STK10: variants seen among roughly 807,000 people sequenced by gnomAD.
STK10 encodes serine/threonine kinase 10.
A neutral mutation model predicts 113.8 loss-of-function variants in STK10; 78 were observed. That is an observed-to-expected ratio of 0.69 (90% CI 0.57 to 0.83). The LOEUF (loss-of-function observed/expected upper bound fraction) is 0.83, where lower values mean the gene tolerates loss of function less well. Among genes scored for constraint, STK10 ranks in the 40% least tolerant of loss-of-function variants. The probability of loss-of-function intolerance (pLI) is 0.00; values close to 1 mark genes in which losing one functional copy is unlikely to be tolerated. For synonymous variants in STK10, 465 were observed against 494.7 expected, an observed-to-expected ratio of 0.94 and a Z score of 0.80; for missense variants, 1,109 against 1,280.1, an observed-to-expected ratio of 0.87 and a Z score of 2.04.
At chr5:172,063,066 A>G (rs1004201332) in intron 13 of STK10, among the ~76,000 whole-genome samples, 3 of 152,154 alleles carry the variant, frequency 2.0e-5, no homozygotes, top group African/African-American at 7.2e-5. Flanking sequence ...CCTGGCCAAC[A>G]TGGTGAAACC....
chr5:172,048,600 C>T (rs953235175), intron 18 of STK10, among the ~76,000 whole-genome samples: 3 of 151,918 alleles, frequency 2.0e-5, no homozygotes, highest in African/African-American at 2.4e-5. Context: ...CAAATTCCCC[C>T]AACCTCTGAT....
chr5:172,185,371 C>T (rs1194746232), intron 1 of STK10, among the ~76,000 whole-genome samples: 3 of 152,160 alleles, frequency 2.0e-5, no homozygotes, highest in African/African-American at 4.8e-5. Context: ...CTGGTTCAAA[C>T]GTTTCTCTTG....
chr5:172,105,618 A>C (rs756239016), intron 7 of STK10, 38 bp downstream of exon 7: 3 of 1,609,294 alleles, frequency 1.9e-6, no homozygotes, highest in Non-Finnish European at 2.6e-6. Context: ...ATTAGGCTCC[A>C]CCCTTCAGGG....
intron 2 of STK10, among the ~76,000 whole-genome samples, chr5:172,140,792 G>T (rs1215438487): frequency 6.6e-6 from 1 of 152,084 alleles, no homozygotes; most frequent in Non-Finnish European, 1.5e-5. Context: ...TTAAAAGCAG[G>T]ATCCTGAAGA....
intron 10 of STK10, among the ~76,000 whole-genome samples, chr5:172,085,688 CAAA>C (rs74437272): frequency 1.1e-4 from 12 of 108,212 alleles, no homozygotes; most frequent in Admixed American, 1.0e-4. Flanking sequence ...GACTCCATTT[CAAA>C]AAAAAAAAAA....
chr5:172,126,829 T>C (rs2279515), intron 3 of STK10, among the ~76,000 whole-genome samples: 45,580 of 152,030 alleles, frequency 0.3, 7,770 homozygotes, highest in African/African-American at 0.47. Flanking sequence ...ATCTCGGTTT[T>C]ACCTCCTGAG....
At chr5:172,175,548 C>A (rs1032309309) in intron 1 of STK10, among the ~76,000 whole-genome samples, 1 of 151,796 alleles carries the variant, frequency 6.6e-6, no homozygotes, top group Non-Finnish European at 1.5e-5. Flanking sequence ...CCCGCCCTGA[C>A]ACCCGCCCTT....
At chr5:172,173,981 C>G (rs974908435) in intron 1 of STK10, among the ~76,000 whole-genome samples, 2 of 152,132 alleles carry the variant, frequency 1.3e-5, no homozygotes, top group Non-Finnish European at 2.9e-5. Context: ...GTCACACAGC[C>G]AACAGGCAGG....
At chr5:172,154,214 G>T (rs1390056019) in intron 2 of STK10, among the ~76,000 whole-genome samples, 2 of 152,204 alleles carry the variant, frequency 1.3e-5, no homozygotes, top group Non-Finnish European at 2.9e-5. Context: ...CTCAGGAGGG[G>T]CCTGATAACC....
In STK10 at chr5:172,051,845, C is replaced by T. The variant is rs141932516; in HGVS notation, c.2766+1084G>A. ...ATGTTGGTATTGACCATGCCAGCAG[C>T]GGCTGCAGTGGGCTGAGAAAGGAAT... is the stretch of plus-strand genomic sequence containing the variant. On this transcript the variant is annotated intron_variant, in intron 18 of 18. Transcript: ENST00000176763. Among the ~76,000 whole-genome samples the T allele has an allele frequency of 1.8e-3, 272 of 152,032 alleles. 2 individuals are homozygous for T. The highest frequency in any genetic ancestry group is 6.3e-3 in the African/African-American group (261 of 41,462).
At chr5:172,052,204 T>G (rs974167054) in intron 18 of STK10, among the ~76,000 whole-genome samples, 1 of 152,196 alleles carries the variant, frequency 6.6e-6, no homozygotes, top group Non-Finnish European at 1.5e-5. Flanking sequence ...TCTGAATGCA[T>G]GCTGGCTATT....
chr5:172,068,734 T>C (rs1409195719), intron 12 of STK10, among the ~76,000 whole-genome samples: 2 of 151,882 alleles, frequency 1.3e-5, no homozygotes, highest in Admixed American at 6.6e-5. Flanking sequence ...GGTGGGCGGA[T>C]TGCTTGAGGC....
At chr5:172,078,797 G>A (rs925251284) in intron 12 of STK10, among the ~76,000 whole-genome samples, 3 of 151,916 alleles carry the variant, frequency 2.0e-5, no homozygotes, top group African/African-American at 4.8e-5. Context: ...AGGCAGGCTC[G>A]AGAGCCTTCC....
At chr5:172,110,085 G>C (rs1057087753) in intron 4 of STK10, among the ~76,000 whole-genome samples, 2 of 152,220 alleles carry the variant, frequency 1.3e-5, no homozygotes, top group African/African-American at 4.8e-5. Flanking sequence ...TGCTCACCAG[G>C]CTCCATCAGG....
At chr5:172,169,366 G>C (rs74767639) in intron 1 of STK10, among the ~76,000 whole-genome samples, 12,507 of 152,142 alleles carry the variant, frequency 0.082, 635 homozygotes, top group African/African-American at 0.15. Flanking sequence ...GGGAGTGAAC[G>C]GGAAGATAGG....
chr5:172,119,845 C>A (rs1308521896), intron 3 of STK10, among the ~76,000 whole-genome samples: 4 of 149,106 alleles, frequency 2.7e-5, no homozygotes, highest in African/African-American at 7.6e-5. Context: ...GCCTGGGCGA[C>A]AGAGCGAGAC....
intron 12 of STK10, among the ~76,000 whole-genome samples, chr5:172,067,816 A>G (rs1269889670): frequency 1.2e-4 from 19 of 152,138 alleles, no homozygotes; most frequent in Admixed American, 1.2e-3. Context: ...AGGTTTCAGG[A>G]ACTTATGGGA....
chr5:172,138,734 C>G (rs887108180), intron 2 of STK10, among the ~76,000 whole-genome samples: 1 of 152,000 alleles, frequency 6.6e-6, no homozygotes, highest in East Asian at 1.9e-4. Flanking sequence ...AAAGATTGGC[C>G]AGGCGCGGTG....
chr5:172,178,098 G>T (rs1297209699), intron 1 of STK10, among the ~76,000 whole-genome samples: 3 of 152,204 alleles, frequency 2.0e-5, no homozygotes, highest in African/African-American at 7.2e-5. Context: ...AAAGTGCTGG[G>T]ATTACAGGTG....
Sources: gnomAD v4.1 joint callset for allele counts (sites outside exome capture counted in the v4.1 genomes callset) on GRCh38, gnomAD v4.1.1 for gene constraint, MANE v1.5 for transcripts, NCBI Gene and HGNC (gene_info 2026-07-23, HGNC 2026-07-21) for gene names.